The following GALNT18 variants were observed in gnomAD, a reference collection of about 807,000 sequenced individuals.
GALNT18 encodes the protein GalNAc-transferase 18.
In GALNT18, 44 loss-of-function variants were observed where a neutral mutation model predicts 69.5. That is an observed-to-expected ratio of 0.63 (90% CI 0.50 to 0.81). GALNT18 has a LOEUF of 0.81. Among genes scored for constraint, GALNT18 ranks in the 40% least tolerant of loss-of-function variants. The probability of loss-of-function intolerance (pLI) is 0.00; values close to 1 mark genes in which losing one functional copy is unlikely to be tolerated. For missense variants in GALNT18, 715 were observed against 810.0 expected (o/e 0.88, Z 1.42); for synonymous variants, 364 against 318.2 (o/e 1.14, Z -1.53).
At chr11:11,529,196 G>A (rs545264979) in intron 1 of GALNT18, among the ~76,000 whole-genome samples, 1 of 152,334 alleles carries the variant, frequency 6.6e-6, no homozygotes, top group South Asian at 2.1e-4. Flanking sequence ...ACTTGTCTGG[G>A]CCATGGGGTG....
intron 2 of GALNT18, among the ~76,000 whole-genome samples, chr11:11,446,479 T>C (rs79603976): frequency 0.02 from 3,115 of 152,282 alleles, 77 homozygotes; most frequent in African/African-American, 0.065. Context: ...CTATTCCTGA[T>C]GATCTCTTCT....
In GALNT18 at chr11:11,439,598, C is replaced by A. The variant is rs1855490369; in HGVS notation, c.429-6811G>T. On this transcript the variant is annotated intron_variant, in intron 2 of 10. Coordinates refer to ENST00000227756, the MANE Select transcript of GALNT18 (RefSeq NM_198516.3). This position sits in a 1 kb window ranked among gnomAD's most constrained non-coding sequence, Gnocchi z 4.4. ...AACAAACGTCAGTGTCTCCACTAGA[C>A]TATAAGCTGTACAAGGTTAGGGCCG... 6.6e-6 allele frequency among the ~76,000 whole-genome samples: 1 copy of A among 152,212 alleles called. No individual in the cohort carries two copies. Among genetic ancestry groups the A allele is most frequent in the Non-Finnish European group, 1.5e-5 (1 of 68,034 alleles).
chr11:11,341,556 AAAG>A lies in GALNT18; in HGVS notation c.1093-555_1093-553del, dbSNP rs571025076. 3.2e-4 allele frequency among the ~76,000 whole-genome samples: 48 copies of A among 152,296 alleles called. No homozygotes were observed. Among genetic ancestry groups the A allele is most frequent in the African/African-American group, 1.1e-3 (47 of 41,562 alleles). ...GACTGAATCTGAGGGAGAGCGCTGC[AAAG>A]AAGGAAATGATATTAAACTTCTTAG... On this transcript the variant is annotated intron_variant, in intron 6 of 10. Coordinates refer to ENST00000227756, the MANE Select transcript of GALNT18 (RefSeq NM_198516.3). This position sits in a 1 kb window ranked among gnomAD's most constrained non-coding sequence, Gnocchi z 6.3.
intron 10 of GALNT18, among the ~76,000 whole-genome samples, chr11:11,291,269 C>A (rs1471200999): frequency 2.0e-5 from 3 of 152,004 alleles, no homozygotes; most frequent in Admixed American, 2.0e-4. Flanking sequence ...GACCTCTGGC[C>A]TTCTCCCACG....
At position 11,604,180 on chromosome 11, in the gene GALNT18, T is replaced by A. The variant is rs78911911; in HGVS notation, c.235+17179A>T. ...TGTTATTAATACACCACACAGTTTA[T>A]GGTATTTTGTTATAGCAGCCCAAAT... On this transcript the variant is annotated intron_variant, in intron 1 of 10. Coordinates refer to ENST00000227756, the MANE Select transcript of GALNT18 (RefSeq NM_198516.3). This position sits in a 1 kb window ranked among gnomAD's most constrained non-coding sequence, Gnocchi z 5.6. Among the ~76,000 whole-genome samples the A allele has an allele frequency of 6.6e-6, 1 of 152,262 alleles. No individual in the cohort carries two copies. The highest frequency in any genetic ancestry group is 2.4e-5 in the African/African-American group (1 of 41,466).
chr11:11,275,218 C>CT (rs1380321733), intron 10 of GALNT18, among the ~76,000 whole-genome samples: 2 of 152,230 alleles, frequency 1.3e-5, no homozygotes, highest in Non-Finnish European at 2.9e-5. Context: ...TGTTTCCTGA[C>CT]TTTTTAATGA....
chr11:11,431,888 T>C (rs554724406), intron 3 of GALNT18, among the ~76,000 whole-genome samples: 1 of 152,332 alleles, frequency 6.6e-6, no homozygotes, highest in African/African-American at 2.4e-5. Flanking sequence ...CACTGGTTTT[T>C]CAGCTGTCTC....
intron 1 of GALNT18, among the ~76,000 whole-genome samples, chr11:11,481,508 T>C (rs902343760): frequency 6.6e-6 from 1 of 151,904 alleles, no homozygotes; most frequent in African/African-American, 2.4e-5. Flanking sequence ...GTAGAGCACA[T>C]GCCTCAGAGC....
At chr11:11,335,134 C>T (rs987454170) in intron 7 of GALNT18, among the ~76,000 whole-genome samples, 9 of 152,174 alleles carry the variant, frequency 5.9e-5, no homozygotes, top group African/African-American at 2.2e-4. Context: ...CTGTGTTTTC[C>T]TAAACTTCTG....
At chr11:11,467,519 C>T (rs764102614) in intron 1 of GALNT18, among the ~76,000 whole-genome samples, 13 of 152,348 alleles carry the variant, frequency 8.5e-5, no homozygotes, top group Non-Finnish European at 1.2e-4. Context: ...ACTCTGTTTG[C>T]CAGAGCAAGC....
intron 1 of GALNT18, among the ~76,000 whole-genome samples, chr11:11,506,658 A>G (rs1198652300): frequency 6.6e-6 from 1 of 152,222 alleles, no homozygotes; most frequent in Admixed American, 6.5e-5. Context: ...TTTTAAAAGG[A>G]CTATGAGAAA....
chr11:11,272,138 G>A (rs1167655706), intron 10 of GALNT18, among the ~76,000 whole-genome samples: 1 of 152,166 alleles, frequency 6.6e-6, no homozygotes, highest in Non-Finnish European at 1.5e-5. Context: ...AATGGCACTT[G>A]AGTATATGGT....
intron 10 of GALNT18, among the ~76,000 whole-genome samples, chr11:11,283,476 G>C (rs1211620482): frequency 6.7e-6 from 1 of 149,958 alleles, no homozygotes; most frequent in African/African-American, 2.5e-5. Flanking sequence ...TGCAGAATCT[G>C]ACTGACAGGC....
intron 1 of GALNT18, among the ~76,000 whole-genome samples, chr11:11,575,376 C>T (rs1858899326): frequency 6.6e-6 from 1 of 152,208 alleles, no homozygotes; most frequent in Non-Finnish European, 1.5e-5. Flanking sequence ...AACTAAACAG[C>T]TGTAGGCCCA....
At chr11:11,453,480 C>CT (rs1211687620) in intron 1 of GALNT18, among the ~76,000 whole-genome samples, 1 of 152,150 alleles carries the variant, frequency 6.6e-6, no homozygotes, top group Non-Finnish European at 1.5e-5. Context: ...TCAAAAGTCA[C>CT]TTTCTCAGCA....
At chr11:11,449,673 T>A (rs1275580838) in intron 1 of GALNT18, among the ~76,000 whole-genome samples, 4 of 152,194 alleles carry the variant, frequency 2.6e-5, no homozygotes. Flanking sequence ...GGGGAATCAC[T>A]AACTGTGAGA....
At chr11:11,275,007 T>C (rs1448846303) in intron 10 of GALNT18, among the ~76,000 whole-genome samples, 1 of 152,256 alleles carries the variant, frequency 6.6e-6, no homozygotes, top group African/African-American at 2.4e-5. Flanking sequence ...ACAATAAACA[T>C]ACATGTGCAT....
At position 11,450,653 on chromosome 11, in the gene GALNT18, G is replaced by A. The variant is rs183324849; in HGVS notation, c.236-1717C>T. Among the ~76,000 whole-genome samples the A allele has an allele frequency of 5.6e-4, 85 of 152,276 alleles. 1 individual carries two copies. The highest frequency in any genetic ancestry group is 3.3e-3 in the Admixed American group (51 of 15,292). ...GCATTAAGGTACCTCTCCGGGCCAC[G>A]TCCTCCAAATGGGACACCCCTGTAA... On this transcript the variant is annotated intron_variant, in intron 1 of 10. Coordinates refer to ENST00000227756, the MANE Select transcript of GALNT18 (RefSeq NM_198516.3).
chr11:11,566,543 G>A (rs896135764), intron 1 of GALNT18, among the ~76,000 whole-genome samples: 3 of 152,172 alleles, frequency 2.0e-5, no homozygotes, highest in Non-Finnish European at 4.4e-5. Flanking sequence ...AGGTGTCTTC[G>A]ATCTGCAGAA....
Sources: gnomAD v4.1 joint callset for allele counts (sites outside exome capture counted in the v4.1 genomes callset) on GRCh38, gnomAD v4.1.1 for gene constraint, Gnocchi (gnomAD v3.1) non-coding constraint, MANE v1.5 for transcripts, NCBI Gene and HGNC (gene_info 2026-07-23, HGNC 2026-07-21) for gene names.